INSC: variants seen among roughly 807,000 people sequenced by gnomAD.
The protein encoded by INSC is INSC spindle orientation adaptor protein.
INSC carries 67 observed loss-of-function variants against 58.6 expected under a neutral mutation model. The ratio of observed to expected loss-of-function variants is 1.14; its 90% confidence interval spans 0.94 to 1.40. INSC has a LOEUF of 1.40. Among genes scored for constraint, INSC ranks in the 40% most tolerant of loss-of-function variants. INSC has a pLI of 0.00. For missense variants in INSC, 714 were observed against 692.0 expected, an observed-to-expected ratio of 1.03 and a Z score of -0.36; for synonymous variants, 262 against 276.1, an observed-to-expected ratio of 0.95 and a Z score of 0.51.
intron 12 of INSC, chr11:15,241,479 T>G: frequency 1.5e-6 from 1 of 678,946 alleles, no homozygotes; most frequent in Non-Finnish European, 2.7e-6. Flanking sequence ...ATTAATGAGC[T>G]GTGTGACATT....
Position 15,232,228 on chromosome 11 carries a change from C to T in INSC, c.1171-3374C>T, listed in dbSNP as rs942110667. On this transcript the variant is annotated intron_variant, in intron 9 of 12. Coordinates refer to ENST00000379556, the MANE Select transcript of INSC (RefSeq NM_001042536.3). ...TTTGGGAGGGATCTCACATTAGCAG[C>T]GTGTCTTGGCCACACGGATGCTCAG... 3.3e-5 allele frequency among the ~76,000 whole-genome samples: 5 copies of T among 152,300 alleles called. No homozygotes were observed. The South Asian group carries it at 6.2e-4, about 19-fold the overall frequency.
chr11:15,166,964 C>T (rs1488883968), intron 2 of INSC, among the ~76,000 whole-genome samples: 12 of 152,114 alleles, frequency 7.9e-5, no homozygotes, highest in Non-Finnish European at 1.2e-4. Flanking sequence ...GTAAGGTTGT[C>T]GTGAATAAAA....
At chr11:15,169,234 A>G (rs1361073614) in intron 2 of INSC, among the ~76,000 whole-genome samples, 2 of 152,184 alleles carry the variant, frequency 1.3e-5, no homozygotes, top group South Asian at 2.1e-4. Context: ...GCACAGGTCC[A>G]CGAGGCTCAC....
intron 1 of INSC, among the ~76,000 whole-genome samples, chr11:15,133,453 C>T (rs1848170310): frequency 6.6e-6 from 1 of 152,212 alleles, no homozygotes; most frequent in Non-Finnish European, 1.5e-5. Flanking sequence ...GTCCCCACAA[C>T]AGATAATGTA....
intron 7 of INSC, among the ~76,000 whole-genome samples, chr11:15,206,399 C>G (rs977931995): frequency 9.2e-5 from 14 of 151,658 alleles, no homozygotes; most frequent in African/African-American, 3.4e-4. Flanking sequence ...AGGGAGCCAC[C>G]CCAGCAGGGA....
At chr11:15,189,757 T>G (rs1479962839) in intron 5 of INSC, among the ~76,000 whole-genome samples, 2 of 152,210 alleles carry the variant, frequency 1.3e-5, no homozygotes, top group Non-Finnish European at 2.9e-5. Flanking sequence ...CGAAGGTTGC[T>G]CTTCTTAGTC....
intron 1 of INSC, among the ~76,000 whole-genome samples, chr11:15,138,557 C>T (rs1431466718): frequency 2.0e-5 from 3 of 152,192 alleles, no homozygotes; most frequent in African/African-American, 4.8e-5. Context: ...CGCTTTGCTT[C>T]TTTCCAACAT....
At chr11:15,249,586 T>C (rs148618881), downstream of INSC, among the ~76,000 whole-genome samples, 46 of 152,200 alleles carry the variant, frequency 3.0e-4, no homozygotes, top group East Asian at 8.9e-3. Flanking sequence ...TATTCAGAAG[T>C]TGGTGCAGAG....
downstream of INSC, among the ~76,000 whole-genome samples, chr11:15,250,411 AGTT>A (rs1189092887): frequency 1.3e-5 from 2 of 152,214 alleles, no homozygotes; most frequent in African/African-American, 4.8e-5. Context: ...TGCAAATGTA[AGTT>A]GTTGTCATCA....
At chr11:15,148,007 G>C (rs762576770) in intron 1 of INSC, among the ~76,000 whole-genome samples, 1 of 152,220 alleles carries the variant, frequency 6.6e-6, no homozygotes, top group African/African-American at 2.4e-5. Context: ...AGTTGGCAGA[G>C]AGAGAGAAAT....
chr11:15,206,855 A>G (rs1850821415), intron 7 of INSC, among the ~76,000 whole-genome samples: 1 of 151,870 alleles, frequency 6.6e-6, no homozygotes, highest in Non-Finnish European at 1.5e-5. Flanking sequence ...TGGAGAAAGC[A>G]CTCTGCCTGT....
At chr11:15,157,060 G>A (rs1848839932) in intron 2 of INSC, among the ~76,000 whole-genome samples, 1 of 152,304 alleles carries the variant, frequency 6.6e-6, no homozygotes, top group African/African-American at 2.4e-5. Context: ...CCTCATTCCA[G>A]ATGTTCAGGA....
At position 15,114,983 on chromosome 11, in the gene INSC, C is replaced by A; in HGVS notation, c.-66C>A. On this transcript the variant is annotated 5_prime_UTR_variant, in exon 1 of 13. Coordinates refer to ENST00000379556, the MANE Select transcript of INSC (RefSeq NM_001042536.3). ...CCGCCACCACTGGCCGCTCGCACTA[C>A]CAGCCTGTCTCGCACGCTAAGTAAG... 1.0e-6 allele frequency: 1 copy of A among 985,502 alleles called. No homozygotes were observed. 61.0% of individuals were successfully genotyped at this position (985,502 alleles called of 1,614,324 possible).
At chr11:15,165,084 G>T (rs960255102) in intron 2 of INSC, among the ~76,000 whole-genome samples, 3 of 152,096 alleles carry the variant, frequency 2.0e-5, no homozygotes, top group Admixed American at 2.0e-4. Flanking sequence ...TTGGTGGTTT[G>T]TCCCCACTTG....
chr11:15,162,295 C>G (rs929047750), intron 2 of INSC, among the ~76,000 whole-genome samples: 1 of 152,168 alleles, frequency 6.6e-6, no homozygotes, highest in African/African-American at 2.4e-5. Flanking sequence ...CCACACTTAT[C>G]TCCATACTGT....
intron 1 of INSC, among the ~76,000 whole-genome samples, chr11:15,144,051 T>C (rs1848434750): frequency 6.6e-6 from 1 of 152,184 alleles, no homozygotes; most frequent in Non-Finnish European, 1.5e-5. Flanking sequence ...GCTTCTGCTC[T>C]GTGTGCCTGA....
chr11:15,236,563 C>T (rs899581927), intron 10 of INSC, among the ~76,000 whole-genome samples: 4 of 152,194 alleles, frequency 2.6e-5, no homozygotes, highest in South Asian at 4.1e-4. Flanking sequence ...GAACATGTCA[C>T]CAAGGTCCAG....
chr11:15,232,615 A>G (rs1851966491), intron 9 of INSC, among the ~76,000 whole-genome samples: 1 of 152,080 alleles, frequency 6.6e-6, no homozygotes, highest in Admixed American at 6.6e-5. Flanking sequence ...CCTAATCCTC[A>G]AAACCTGTGA....
intron 9 of INSC, among the ~76,000 whole-genome samples, chr11:15,226,883 T>C (rs1053041929): frequency 1.3e-5 from 2 of 152,234 alleles, no homozygotes; most frequent in African/African-American, 4.8e-5. Context: ...TCCCTAGGAT[T>C]TTTTAAGGCC....
Sources: gnomAD v4.1 joint callset for allele counts (sites outside exome capture counted in the v4.1 genomes callset) on GRCh38, gnomAD v4.1.1 for gene constraint, MANE v1.5 for transcripts, NCBI Gene and HGNC (gene_info 2026-07-23, HGNC 2026-07-21) for gene names.